FSTL4: variants seen among roughly 807,000 people sequenced by gnomAD.
The protein encoded by FSTL4 is follistatin like 4, also known as follistatin-related protein 4.
FSTL4 carries 28 observed loss-of-function variants against 78.2 expected under a neutral mutation model. That is an observed-to-expected ratio of 0.36 (90% CI 0.27 to 0.49). FSTL4 has a LOEUF of 0.49. Ranked by LOEUF, FSTL4 falls within the 20% of genes least tolerant of loss-of-function variation. FSTL4 has a pLI of 0.98. For synonymous variants in FSTL4, 422 were observed against 440.5 expected (o/e 0.96, Z 0.53); for missense variants, 922 against 1,084.9 (o/e 0.85, Z 2.11).
chr5:133,580,150 T>C (rs1469017284), intron 2 of FSTL4, among the ~76,000 whole-genome samples: 1 of 152,174 alleles, frequency 6.6e-6, no homozygotes, highest in African/African-American at 2.4e-5. Context: ...ATCTTCCTGC[T>C]AGCTAGTGTT....
At chr5:133,642,553 C>T in the FSTL4 span, among the ~76,000 whole-genome samples, 1 of 152,126 alleles carries the variant, frequency 6.6e-6, no homozygotes, top group Non-Finnish European at 1.5e-5. Flanking sequence ...TTCTGTACAC[C>T]GCCCATGGAG....
chr5:133,373,639 A>C (rs976202272), intron 4 of FSTL4, among the ~76,000 whole-genome samples: 2 of 152,178 alleles, frequency 1.3e-5, no homozygotes, highest in Non-Finnish European at 2.9e-5. Flanking sequence ...CCCCACACTG[A>C]ACAACTGTTT....
At chr5:133,735,997 T>C in the FSTL4 span, among the ~76,000 whole-genome samples, 1 of 152,068 alleles carries the variant, frequency 6.6e-6, no homozygotes, top group Non-Finnish European at 1.5e-5. Context: ...GGTAGAAAGG[T>C]TTGTTACCTA....
chr5:133,607,969 C>G (rs754812214), intron 1 of FSTL4, among the ~76,000 whole-genome samples: 1 of 152,142 alleles, frequency 6.6e-6, no homozygotes, highest in Non-Finnish European at 1.5e-5. Flanking sequence ...CAGGCCGATG[C>G]CCCTCAGCTC....
intron 6 of FSTL4, among the ~76,000 whole-genome samples, chr5:133,302,081 T>G (rs1269313449): frequency 6.6e-6 from 1 of 152,060 alleles, no homozygotes; most frequent in African/African-American, 2.4e-5. Flanking sequence ...AGCGTTCGCT[T>G]GTCCCAGTCA....
chr5:133,818,769 A>G, the FSTL4 span, among the ~76,000 whole-genome samples: 25 of 150,768 alleles, frequency 1.7e-4, no homozygotes, highest in Non-Finnish European at 3.1e-4. Flanking sequence ...CCCCTGCCTC[A>G]CACCAAATCC....
chr5:133,506,986 T>C (rs1478938634), intron 3 of FSTL4, among the ~76,000 whole-genome samples: 1 of 152,156 alleles, frequency 6.6e-6, no homozygotes, highest in Non-Finnish European at 1.5e-5. Flanking sequence ...CCAAGGTGGA[T>C]TACCTGAGGT....
At chr5:133,318,158 G>C (rs1470393936) in intron 4 of FSTL4, among the ~76,000 whole-genome samples, 1 of 152,142 alleles carries the variant, frequency 6.6e-6, no homozygotes, top group Non-Finnish European at 1.5e-5. Flanking sequence ...AATATAATCA[G>C]ATCTATTTGC....
chr5:133,314,662 T>C (rs1480140498), intron 5 of FSTL4, among the ~76,000 whole-genome samples: 2 of 151,946 alleles, frequency 1.3e-5, no homozygotes, highest in Non-Finnish European at 2.9e-5. Context: ...CAGGGTTTCA[T>C]CTCAGTTCCA....
chr5:133,309,559 C>T (rs1315457973), intron 6 of FSTL4, among the ~76,000 whole-genome samples: 2 of 152,182 alleles, frequency 1.3e-5, no homozygotes, highest in African/African-American at 4.8e-5. Flanking sequence ...ACCAGCTCAG[C>T]ACAGACATCC....
At chr5:133,427,232 G>C (rs1012765787) in intron 3 of FSTL4, among the ~76,000 whole-genome samples, 8 of 152,224 alleles carry the variant, frequency 5.3e-5, no homozygotes, top group Admixed American at 5.2e-4. Context: ...CCAAGGACGA[G>C]AGACGGCTCA....
intron 6 of FSTL4, among the ~76,000 whole-genome samples, chr5:133,262,901 G>C (rs939755774): frequency 1.3e-5 from 2 of 152,104 alleles, no homozygotes; most frequent in South Asian, 2.1e-4. Flanking sequence ...GGGTGGGGCT[G>C]AGGGTGTTGG....
At chr5:133,321,846 T>C (rs1754063277) in intron 4 of FSTL4, among the ~76,000 whole-genome samples, 1 of 152,212 alleles carries the variant, frequency 6.6e-6, no homozygotes, top group South Asian at 2.1e-4. Context: ...TGAATGAGGC[T>C]CAGCAGGGGC....
At chr5:133,263,510 C>G (rs1752578288) in intron 6 of FSTL4, among the ~76,000 whole-genome samples, 1 of 152,004 alleles carries the variant, frequency 6.6e-6, no homozygotes, top group Admixed American at 6.6e-5. Context: ...GCCGAGAGCT[C>G]TAGGTGGATA....
chr5:133,275,115 T>C (rs921159947), intron 6 of FSTL4, among the ~76,000 whole-genome samples: 6 of 148,338 alleles, frequency 4.0e-5, no homozygotes, highest in Non-Finnish European at 1.5e-5. Context: ...TACAAAAAAG[T>C]TAGCTGGGCT....
At chr5:133,417,622 G>T (rs1435523168) in intron 3 of FSTL4, among the ~76,000 whole-genome samples, 1 of 152,114 alleles carries the variant, frequency 6.6e-6, no homozygotes, top group African/African-American at 2.4e-5. Flanking sequence ...ATAAGAAGCA[G>T]CCAGAGGAAG....
chr5:133,266,031 CAT>C (rs1752633209), intron 6 of FSTL4, among the ~76,000 whole-genome samples: 3 of 152,220 alleles, frequency 2.0e-5, no homozygotes, highest in African/African-American at 7.2e-5. Flanking sequence ...CCCAGGCCCA[CAT>C]AGAGTGGCTA....
At chr5:133,622,624 C>T in the FSTL4 span, among the ~76,000 whole-genome samples, 1 of 152,092 alleles carries the variant, frequency 6.6e-6, no homozygotes. Context: ...TTATTTTAGC[C>T]ATTCTGACAG....
the FSTL4 span, among the ~76,000 whole-genome samples, chr5:133,634,760 T>C: frequency 6.6e-6 from 1 of 152,324 alleles, no homozygotes; most frequent in Admixed American, 6.5e-5. Flanking sequence ...TCAGACATGT[T>C]ACTAATTGAG....
Sources: gnomAD v4.1 joint callset for allele counts (sites outside exome capture counted in the v4.1 genomes callset) on GRCh38, gnomAD v4.1.1 for gene constraint, MANE v1.5 for transcripts, NCBI Gene and HGNC (gene_info 2026-07-23, HGNC 2026-07-21) for gene names.